ANO6: variants seen among roughly 807,000 people sequenced by gnomAD.
ANO6 encodes the protein anoctamin-6.
In ANO6, 106 loss-of-function variants were observed where a neutral mutation model predicts 117.5. That is an observed-to-expected ratio of 0.90 (90% CI 0.77 to 1.06). The LOEUF is 1.06. ANO6 is among the 50% of genes least tolerant of loss of function. ANO6 has a pLI of 0.00. For synonymous variants in ANO6, 367 were observed against 385.1 expected, an observed-to-expected ratio of 0.95 and a Z score of 0.55; for missense variants, 955 against 1,121.1, an observed-to-expected ratio of 0.85 and a Z score of 2.12.
intron 3 of ANO6, among the ~76,000 whole-genome samples, chr12:45,340,493 A>C (rs73279700): frequency 0.013 from 2,030 of 152,248 alleles, 37 homozygotes; most frequent in African/African-American, 0.047. Flanking sequence ...ACACAGGTTA[A>C]TTTATGACTA....
intron 1 of ANO6, among the ~76,000 whole-genome samples, chr12:45,241,393 G>A (rs1432986874): frequency 2.0e-5 from 3 of 151,862 alleles, no homozygotes; most frequent in Admixed American, 6.6e-5. Flanking sequence ...CATGGTTTTC[G>A]GCTCCATCAG....
chr12:45,301,669 G>A (rs552415653), intron 1 of ANO6, among the ~76,000 whole-genome samples: 1 of 151,398 alleles, frequency 6.6e-6, no homozygotes, highest in African/African-American at 2.4e-5. Context: ...GGACTTCACA[G>A]CAGTACCCTG....
intron 12 of ANO6, among the ~76,000 whole-genome samples, chr12:45,394,538 TA>T (rs1381322352): frequency 6.6e-6 from 1 of 152,176 alleles, no homozygotes; most frequent in Non-Finnish European, 1.5e-5. Context: ...CAACAGAATA[TA>T]CATTCTTCTC....
chr12:45,398,641 A>T (rs1942696230), intron 12 of ANO6, among the ~76,000 whole-genome samples: 1 of 152,178 alleles, frequency 6.6e-6, no homozygotes, highest in Non-Finnish European at 1.5e-5. Flanking sequence ...ATATATATCA[A>T]CCAAAATATT....
chr12:45,436,836 G>T (rs184621245), downstream of ANO6, among the ~76,000 whole-genome samples: 1 of 152,226 alleles, frequency 6.6e-6, no homozygotes, highest in Admixed American at 6.5e-5. Context: ...GTGTGTGGTG[G>T]CAGGCACCTG....
chr12:45,226,426 G>GAAAAA (rs10652406), intron 1 of ANO6, among the ~76,000 whole-genome samples: 4 of 149,958 alleles, frequency 2.7e-5, no homozygotes, highest in Non-Finnish European at 1.5e-5. Context: ...ACTTGAAATT[G>GAAAAA]AAAAAAAAAG....
intron 16 of ANO6, among the ~76,000 whole-genome samples, chr12:45,412,584 C>T (rs1413359607): frequency 6.6e-6 from 1 of 152,216 alleles, no homozygotes; most frequent in Non-Finnish European, 1.5e-5. Context: ...GCTCTCATCT[C>T]TGCTTGGTTC....
At chr12:45,280,879 T>TATATAG (rs149737040) in intron 1 of ANO6, among the ~76,000 whole-genome samples, 20 of 149,944 alleles carry the variant, frequency 1.3e-4, no homozygotes, top group South Asian at 2.1e-4. Flanking sequence ...TATATATATA[T>TATATAG]AGAGAGAGAG....
intron 1 of ANO6, among the ~76,000 whole-genome samples, chr12:45,295,948 G>A (rs1352657826): frequency 6.6e-6 from 1 of 152,046 alleles, no homozygotes; most frequent in Non-Finnish European, 1.5e-5. Flanking sequence ...TGCAACTTCA[G>A]CCTCCTGGTT....
chr12:45,350,750 A>G lies in ANO6; in HGVS notation c.839A>G (p.Lys280Arg). Residue 280 changes from lysine (K) to arginine (R), a missense_variant, in exon 7 of 20, where the codon AAA becomes AGA. Lys to Arg is a conservative substitution (Grantham distance 26, BLOSUM62 2). Coordinates refer to ENST00000320560, the MANE Select transcript of ANO6 (RefSeq NM_001025356.3). The part of the protein sequence containing the change: ...REWAHPRSIY[K>R]KQPLDLIRKY... ...TGGGCTCATCCTCGAAGCATATACA[A>G]AAAGCAGCCCTTGGATCTTATCAGG... 1 of 1,613,596 alleles carries G rather than the reference A, an allele frequency of 6.2e-7. No homozygotes were observed. Among genetic ancestry groups the G allele is most frequent in the Non-Finnish European group, 8.5e-7 (1 of 1,179,700 alleles).
intron 7 of ANO6, among the ~76,000 whole-genome samples, chr12:45,352,278 T>C (rs1941298529): frequency 6.6e-6 from 1 of 152,080 alleles, no homozygotes; most frequent in Non-Finnish European, 1.5e-5. Flanking sequence ...CTCCAAAAAT[T>C]ATAAACTCAT....
chr12:45,220,233 G>T (rs1947376426), intron 1 of ANO6, among the ~76,000 whole-genome samples: 1 of 152,094 alleles, frequency 6.6e-6, no homozygotes. Flanking sequence ...TTTTGTTTGT[G>T]GATGGTTGGT....
chr12:45,242,544 C>A (rs1001203011), intron 1 of ANO6, among the ~76,000 whole-genome samples: 2 of 152,246 alleles, frequency 1.3e-5, no homozygotes, highest in African/African-American at 4.8e-5. Flanking sequence ...GAGGCGACGC[C>A]CTGCCCTGCT....
chr12:45,430,848 G>C lies in ANO6; in HGVS notation c.*1537G>C. 1 of 985,420 alleles carries C rather than the reference G, an allele frequency of 1.0e-6. No individual in the cohort carries two copies. The highest frequency in any genetic ancestry group is 4.7e-5 in the South Asian group (1 of 21,282). The allele number at this position is 985,420 out of a possible 1,614,324, so 61.0% of individuals were successfully genotyped here. A position where few individuals can be genotyped will look rare whatever the true frequency, so the allele number is the denominator to read the frequency against. On this transcript the variant is annotated 3_prime_UTR_variant, in exon 20 of 20. Transcript: ENST00000320560. Reference sequence around the variant, plus strand: ...GCCCTCTCACCCCTACTGGTAACAGGTCATTGCTGGGTGCACAAGAGGGAG... The same window carrying C: ...GCCCTCTCACCCCTACTGGTAACAGCTCATTGCTGGGTGCACAAGAGGGAG...
At chr12:45,335,584 G>A (rs1940801128) in intron 3 of ANO6, 1 of 151,950 alleles carries the variant, frequency 6.6e-6, no homozygotes, top group East Asian at 1.9e-4. Flanking sequence ...CAAAAGAAAT[G>A]CTTAGTGGAT....
rs376220534 is a variant in ANO6, at chr12:45,342,536, C to T, written c.280-4486C>T. 1.1e-4 allele frequency among the ~76,000 whole-genome samples: 17 copies of T among 152,128 alleles called. 1 individual carries two copies. The East Asian group carries it at 1.2e-3, about 10-fold the overall frequency. On this transcript the variant is annotated intron_variant, in intron 3 of 19. Transcript: ENST00000320560. Reference sequence around the variant, plus strand: ...GAATTAAACTGCATCTCTCTTTCTACACCATGTCCTGTAATAGCCATAAGT... The same window carrying T: ...GAATTAAACTGCATCTCTCTTTCTATACCATGTCCTGTAATAGCCATAAGT...
intron 7 of ANO6, among the ~76,000 whole-genome samples, chr12:45,354,366 CTA>C (rs1403115174): frequency 1.3e-5 from 2 of 152,072 alleles, no homozygotes; most frequent in African/African-American, 4.8e-5. Context: ...ATATGTAACT[CTA>C]TGTATGCTCA....
At chr12:45,268,480 G>A (rs1042602573) in intron 1 of ANO6, among the ~76,000 whole-genome samples, 2 of 152,084 alleles carry the variant, frequency 1.3e-5, no homozygotes, top group African/African-American at 2.4e-5. Context: ...AAATTGCACC[G>A]CTGCATTCCA....
intron 2 of ANO6, among the ~76,000 whole-genome samples, chr12:45,302,508 C>T (rs567004356): frequency 6.6e-6 from 1 of 152,268 alleles, no homozygotes; most frequent in East Asian, 1.9e-4. Flanking sequence ...TCCCTTTCAT[C>T]CTGGAGCTTT....
Sources: gnomAD v4.1 joint callset for allele counts (sites outside exome capture counted in the v4.1 genomes callset) on GRCh38, gnomAD v4.1.1 for gene constraint, MANE v1.5 for transcripts, NCBI Gene and HGNC (gene_info 2026-07-23, HGNC 2026-07-21) for gene names.